Variants in MLIP observed in about 807,000 individuals in gnomAD.
The protein encoded by MLIP is muscular LMNA-interacting protein.
In MLIP, 79 loss-of-function variants were observed where a neutral mutation model predicts 84.8. The ratio of observed to expected loss-of-function variants is 0.93; its 90% CI spans 0.78 to 1.12. MLIP has a LOEUF of 1.12. Ranked by LOEUF, MLIP falls within the 50% of genes most tolerant of loss-of-function variation. The pLI, the probability that MLIP is intolerant of heterozygous loss-of-function variation, is 0.00. For synonymous variants in MLIP, 504 were observed against 463.0 expected (o/e 1.09, Z -1.14); for missense variants, 1,257 against 1,160.6 (o/e 1.08, Z -1.21).
At chr6:54,099,001 C>G (rs563230273) in intron 1 of MLIP, among the ~76,000 whole-genome samples, 2 of 152,190 alleles carry the variant, frequency 1.3e-5, no homozygotes, top group East Asian at 3.9e-4. Context: ...CTAGAATATC[C>G]AAAGATTTCT....
Position 54,217,554 on chromosome 6 carries a change from T to C in MLIP, c.2719-13160T>C. On this transcript the variant is annotated intron_variant, in intron 11 of 13. Transcript: ENST00000502396. ...ATTTTTCTTTAATGAACAAAGATATTACTTGCTTCATAAGTTCCTGTCTTC... is the reference window on the plus strand; with the variant it reads ...ATTTTTCTTTAATGAACAAAGATATCACTTGCTTCATAAGTTCCTGTCTTC... The C allele has an allele frequency of 1.4e-5, 14 of 984,378 alleles. 1 individual carries two copies. The highest frequency in any genetic ancestry group is 1.7e-5 in the Non-Finnish European group (14 of 828,966). 61.0% of individuals were successfully genotyped at this position (984,378 alleles called of 1,614,324 possible). A position where few individuals can be genotyped will look rare whatever the true frequency, so the allele number is the denominator to read the frequency against.
intron 1 of MLIP, among the ~76,000 whole-genome samples, chr6:54,092,817 G>T (rs946993198): frequency 6.6e-6 from 1 of 152,114 alleles, no homozygotes; most frequent in Non-Finnish European, 1.5e-5. Flanking sequence ...CATCACTTCA[G>T]TGTGTGATTT....
At chr6:54,222,587 A>G (rs1274295590) in intron 11 of MLIP, among the ~76,000 whole-genome samples, 4 of 152,018 alleles carry the variant, frequency 2.6e-5, no homozygotes, top group Non-Finnish European at 5.9e-5. Flanking sequence ...CATTATATGT[A>G]TTTATGTATT....
intron 1 of MLIP, chr6:54,030,649 A>C (rs1423066760): frequency 3.3e-5 from 5 of 151,986 alleles, no homozygotes; most frequent in Non-Finnish European, 7.4e-5. Flanking sequence ...CCTTGCACGT[A>C]AGATATTTTC....
intron 1 of MLIP, among the ~76,000 whole-genome samples, chr6:54,097,288 G>T (rs1424967187): frequency 1.3e-5 from 2 of 152,166 alleles, no homozygotes; most frequent in African/African-American, 2.4e-5. Flanking sequence ...GGCTGCTAGA[G>T]ATCCAGCCAT....
At chr6:54,131,930 G>T (rs909140209) in intron 3 of MLIP, among the ~76,000 whole-genome samples, 26 of 152,166 alleles carry the variant, frequency 1.7e-4, no homozygotes, top group Admixed American at 1.2e-3. Context: ...ATTGGCTGTT[G>T]GGTTAGCTGG....
In MLIP at chr6:54,064,360, C is replaced by G. The variant is rs1015165113; in HGVS notation, c.63+45269C>G. On this transcript the variant is annotated intron_variant, in intron 1 of 12. Coordinates refer to the MLIP transcript ENST00000274897. ...TCACCCTTCGGCTTGCTGCCCTGCA[C>G]AATCAATGCCTACGATATGCTTATT... 1.1e-4 allele frequency among the ~76,000 whole-genome samples: 11 copies of G among 100,184 alleles called. 2 individuals are homozygous for G. The highest frequency in any genetic ancestry group is 2.8e-4 in the African/African-American group (11 of 39,122). The allele number at this position is 100,184 out of a possible 152,430, so 65.7% of individuals were successfully genotyped here.
intron 12 of MLIP, among the ~76,000 whole-genome samples, chr6:54,251,485 AC>A (rs1397835505): frequency 8.3e-6 from 1 of 120,308 alleles, no homozygotes; most frequent in Non-Finnish European, 1.6e-5. Context: ...TCCATATGAG[AC>A]AGATAATAAT....
In MLIP at chr6:54,137,737, C is replaced by A; in HGVS notation, c.1668C>A (p.Ser556Arg). 1 of 1,536,112 alleles carries A rather than the reference C, an allele frequency of 6.5e-7. No individual in the cohort carries two copies. ...SSVGLPPVPP[S>R]SSLSSLKSKQ... ...TGGGTCTTCCTCCTGTTCCACCAAGCTCTTCTCTTTCCTCTTTGAAGAGTA... is the reference window on the plus strand; with the variant it reads ...TGGGTCTTCCTCCTGTTCCACCAAGATCTTCTCTTTCCTCTTTGAAGAGTA... The change falls in exon 4 of 14, where the codon AGC becomes AGA. Residue 556 changes from serine (S) to arginine (R), a missense_variant. Physicochemically the swap from Ser to Arg is moderately radical, Grantham distance 110. Transcript: ENST00000502396.
intron 10 of MLIP, among the ~76,000 whole-genome samples, chr6:54,200,339 G>A (rs1448614447): frequency 6.6e-6 from 1 of 152,102 alleles, no homozygotes; most frequent in African/African-American, 2.4e-5. Context: ...TCTGCATAGT[G>A]ACACCAAGCT....
intron 11 of MLIP, among the ~76,000 whole-genome samples, chr6:54,207,062 G>A (rs1167979488): frequency 6.6e-6 from 1 of 152,036 alleles, no homozygotes; most frequent in Non-Finnish European, 1.5e-5. Context: ...CGAGAGGAAA[G>A]CTGCAATTTC....
chr6:54,124,895 GA>G (rs760709481), intron 3 of MLIP, 30 bp downstream of exon 3: 77 of 1,504,096 alleles, frequency 5.1e-5, no homozygotes, highest in Admixed American at 1.8e-4. Context: ...TGTCCATAAG[GA>G]AAAAAAAAGC....
In MLIP at chr6:54,124,622, C is replaced by T. The variant is rs562191547; in HGVS notation, c.402C>T (p.Asp134=). 8 of 1,614,066 alleles carry T rather than the reference C, an allele frequency of 5.0e-6. No individual in the cohort carries two copies. The highest frequency in any genetic ancestry group is 1.1e-5 in the South Asian group (1 of 91,094). ...ANKLQGMQQS[D]LFKAEYVLIV... ...AACTTCAAGGGATGCAGCAAAGTGA[C>T]CTCTTCAAAGCTGAATATGTCCTTA... Residue 134 remains aspartate, a synonymous_variant, in exon 3 of 14, where the codon GAC becomes GAT. Coordinates refer to ENST00000502396, the MANE Select transcript of MLIP (RefSeq NM_001281747.2).
chr6:54,238,042 A>G (rs1299932662), intron 12 of MLIP, among the ~76,000 whole-genome samples: 2 of 152,246 alleles, frequency 1.3e-5, no homozygotes, highest in South Asian at 2.1e-4. Flanking sequence ...CCATTTTACA[A>G]TGCATTTAAA....
intron 13 of MLIP, among the ~76,000 whole-genome samples, chr6:54,263,574 G>C (rs996037357): frequency 6.6e-6 from 1 of 152,034 alleles, no homozygotes; most frequent in Admixed American, 6.6e-5. Context: ...TCATTTTGCA[G>C]TAAAGAATAT....
intron 1 of MLIP, among the ~76,000 whole-genome samples, chr6:54,074,466 A>G (rs933928314): frequency 2.0e-5 from 3 of 152,198 alleles, no homozygotes; most frequent in Non-Finnish European, 4.4e-5. Context: ...TTTTGATTAC[A>G]GTGCAAGTAT....
At chr6:54,234,384 G>C (rs943412309) in intron 12 of MLIP, among the ~76,000 whole-genome samples, 1 of 152,154 alleles carries the variant, frequency 6.6e-6, no homozygotes, top group Non-Finnish European at 1.5e-5. Flanking sequence ...ATAAAAGTTA[G>C]ATCTTATTAT....
At chr6:54,184,561 G>A (rs796131981) in intron 9 of MLIP, among the ~76,000 whole-genome samples, 4 of 152,276 alleles carry the variant, frequency 2.6e-5, no homozygotes, top group African/African-American at 9.6e-5. Context: ...AGATGAAAAG[G>A]TTTCTCCAAA....
chr6:54,170,236 G>A (rs1775636543), intron 9 of MLIP, among the ~76,000 whole-genome samples: 1 of 151,648 alleles, frequency 6.6e-6, no homozygotes, highest in Non-Finnish European at 1.5e-5. Context: ...TATCTCCTTA[G>A]TAAGTGTTTA....
Sources: gnomAD v4.1 joint callset for allele counts (sites outside exome capture counted in the v4.1 genomes callset) on GRCh38, gnomAD v4.1.1 for gene constraint, MANE v1.5 for transcripts, NCBI Gene and HGNC (gene_info 2026-07-23, HGNC 2026-07-21) for gene names.